FOXN3: variants seen among roughly 807,000 people sequenced by gnomAD.
The protein encoded by FOXN3 is forkhead box N3.
In FOXN3, 7 loss-of-function variants were observed where a neutral mutation model predicts 38.4. The ratio of observed to expected loss-of-function variants is 0.18; its 90% confidence interval spans 0.10 to 0.34. The LOEUF (loss-of-function observed/expected upper bound fraction) is 0.34, where lower values mean the gene tolerates loss of function less well. Among genes scored for constraint, FOXN3 ranks in the 10% least tolerant of loss-of-function variants. The pLI is 1.00. For missense variants in FOXN3, 456 were observed against 613.4 expected, an observed-to-expected ratio of 0.74 and a Z score of 2.71; for synonymous variants, 230 against 242.2, an observed-to-expected ratio of 0.95 and a Z score of 0.47.
chr14:89,411,815 C>G (rs972492111), intron 2 of FOXN3, 119 bp downstream of exon 2: 3 of 592,152 alleles, frequency 5.1e-6, no homozygotes, highest in Non-Finnish European at 7.9e-6. Context: ...ATTAAATAGA[C>G]TAAAACCCAC....
rs549115788 is a variant in FOXN3 at position 89,261,756 on chromosome 14, C to T, written c.745+19194G>A. On this transcript the variant is annotated intron_variant, in intron 4 of 5. Coordinates refer to ENST00000557258, the MANE Select transcript of FOXN3 (RefSeq NM_005197.4). Reference sequence around the variant, plus strand: ...CATCCTGGCTAACACGATGAAACCCCGTCTCTACCAAAAATACAAAAATTA... The same window carrying T: ...CATCCTGGCTAACACGATGAAACCCTGTCTCTACCAAAAATACAAAAATTA... Among the ~76,000 whole-genome samples the T allele has an allele frequency of 3.3e-5, 5 of 152,142 alleles. No homozygotes were observed. The East Asian group carries it at 9.7e-4, about 29-fold the overall frequency.
intron 1 of FOXN3, among the ~76,000 whole-genome samples, chr14:89,582,280 T>C (rs1049472927): frequency 1.3e-5 from 2 of 152,180 alleles, no homozygotes; most frequent in African/African-American, 4.8e-5. Context: ...CCCAAACTCA[T>C]GTCCAAAATG....
At position 89,412,796 on chromosome 14, in the gene FOXN3, G is replaced by A. The variant is rs528482752; in HGVS notation, c.-14-306C>T. Among the ~76,000 whole-genome samples the A allele has an allele frequency of 7.9e-5, 12 of 152,354 alleles. No individual in the cohort carries two copies. Among genetic ancestry groups the A allele is most frequent in the Admixed American group, 7.8e-4 (12 of 15,300 alleles). On this transcript the variant is annotated intron_variant, in intron 1 of 5. Coordinates refer to ENST00000557258, the MANE Select transcript of FOXN3 (RefSeq NM_005197.4). This position sits in a 1 kb window ranked among gnomAD's most constrained non-coding sequence, Gnocchi z 4.7. Reference sequence around the variant, plus strand: ...CGCCTGTAATCCCAGCACTTTGGGAGGCTGAGGCGGGACGATTGCTTGAGA... The same window carrying A: ...CGCCTGTAATCCCAGCACTTTGGGAAGCTGAGGCGGGACGATTGCTTGAGA...
At chr14:89,207,900 A>G (rs1049700726) in intron 4 of FOXN3, among the ~76,000 whole-genome samples, 1 of 152,120 alleles carries the variant, frequency 6.6e-6, no homozygotes, top group African/African-American at 2.4e-5. Flanking sequence ...ACCTTCCACT[A>G]TAATCAGTGT....
chr14:89,554,163 G>A (rs761577623), intron 1 of FOXN3, among the ~76,000 whole-genome samples: 4 of 151,982 alleles, frequency 2.6e-5, no homozygotes, highest in South Asian at 2.1e-4. Context: ...CACCATACCC[G>A]GCTAATTTTT....
At chr14:89,231,233 C>T (rs1020496079) in intron 4 of FOXN3, among the ~76,000 whole-genome samples, 2 of 151,990 alleles carry the variant, frequency 1.3e-5, no homozygotes, top group East Asian at 1.9e-4. Context: ...AGTATCTGTT[C>T]GCCAAGGAAA....
intron 1 of FOXN3, among the ~76,000 whole-genome samples, chr14:89,490,221 G>A (rs539001547): frequency 4.6e-5 from 7 of 152,262 alleles, no homozygotes; most frequent in South Asian, 2.1e-4. Flanking sequence ...CCTCAGCGAC[G>A]GCTAATGAAT....
At chr14:89,284,727 A>C (rs1886566024) in intron 3 of FOXN3, among the ~76,000 whole-genome samples, 1 of 152,218 alleles carries the variant, frequency 6.6e-6, no homozygotes. Flanking sequence ...AAGCCAGACC[A>C]ACTTTGTAAC....
chr14:89,586,278 G>A (rs1392129809), intron 1 of FOXN3, among the ~76,000 whole-genome samples: 4 of 152,172 alleles, frequency 2.6e-5, no homozygotes, highest in Admixed American at 6.5e-5. Flanking sequence ...AAAGCAGGAT[G>A]TAAGAAAAGA....
At chr14:89,206,531 C>T (rs549755174) in intron 4 of FOXN3, among the ~76,000 whole-genome samples, 11 of 152,280 alleles carry the variant, frequency 7.2e-5, no homozygotes, top group African/African-American at 2.6e-4. Context: ...CGGAGGTTTC[C>T]GTTCCCAGTG....
chr14:89,270,703 TAAGTG>T (rs1430013879), intron 4 of FOXN3, among the ~76,000 whole-genome samples: 1 of 152,226 alleles, frequency 6.6e-6, no homozygotes, highest in Non-Finnish European at 1.5e-5. Context: ...GAGCACCTAC[TAAGTG>T]CCAGGGATGC....
At chr14:89,309,183 C>G (rs1004461866) in intron 3 of FOXN3, among the ~76,000 whole-genome samples, 4 of 152,224 alleles carry the variant, frequency 2.6e-5, no homozygotes, top group African/African-American at 9.6e-5. Context: ...TTCAATCTCT[C>G]CAGGGCCTCT....
intron 4 of FOXN3, among the ~76,000 whole-genome samples, chr14:89,193,448 T>G (rs1388109265): frequency 6.6e-6 from 1 of 152,178 alleles, no homozygotes; most frequent in Non-Finnish European, 1.5e-5. Flanking sequence ...TAATCACACA[T>G]GTGGGAGAAC....
At chr14:89,366,706 C>T (rs1172115783) in intron 2 of FOXN3, among the ~76,000 whole-genome samples, 1 of 152,154 alleles carries the variant, frequency 6.6e-6, no homozygotes, top group Non-Finnish European at 1.5e-5. Flanking sequence ...CTTCAGGCTG[C>T]AACTGGGCGC....
At chr14:89,392,754 C>A (rs1357491489) in intron 2 of FOXN3, among the ~76,000 whole-genome samples, 1 of 151,540 alleles carries the variant, frequency 6.6e-6, no homozygotes, top group Non-Finnish European at 1.5e-5. Flanking sequence ...AATTCTCCTG[C>A]CGCAGCCTCC....
chr14:89,236,904 A>G (rs991127077), intron 4 of FOXN3, among the ~76,000 whole-genome samples: 1 of 152,078 alleles, frequency 6.6e-6, no homozygotes, highest in Non-Finnish European at 1.5e-5. Flanking sequence ...CATGTACCCC[A>G]CCACTTATCA....
At chr14:89,416,685 C>A (rs528894427) in intron 1 of FOXN3, among the ~76,000 whole-genome samples, 186 bp downstream of exon 1, 3 of 152,144 alleles carry the variant, frequency 2.0e-5, no homozygotes, top group African/African-American at 7.2e-5. Context: ...GGAAACTCTT[C>A]GGACCCGGCA....
chr14:89,490,947 A>C (rs146531306), intron 1 of FOXN3, among the ~76,000 whole-genome samples: 4 of 152,284 alleles, frequency 2.6e-5, no homozygotes, highest in African/African-American at 9.6e-5. Context: ...ATACATTTAC[A>C]TATTAGTTAA....
At position 89,389,245 on chromosome 14, in the gene FOXN3, CAT is replaced by C. The variant is rs373027254; in HGVS notation, c.543+22687_543+22688del. Among the ~76,000 whole-genome samples the C allele has an allele frequency of 1.2e-4, 19 of 152,212 alleles. No individual in the cohort carries two copies. In the East Asian group the frequency reaches 3.7e-3, roughly 29 times the overall value. The stretch of plus-strand genomic sequence containing the variant: ...AATGTATGAAAGTGAAAAAAACTTA[CAT>C]GTTACAATGTGCATCTCTTAGGTAT... On this transcript the variant is annotated intron_variant, in intron 2 of 5. Transcript: ENST00000557258.
Sources: allele counts gnomAD v4.1 joint callset (sites outside exome capture counted in the v4.1 genomes callset), GRCh38; gene constraint gnomAD v4.1.1; non-coding constraint Gnocchi (gnomAD v3.1); transcripts MANE v1.5; gene names NCBI Gene and HGNC (gene_info 2026-07-23, HGNC 2026-07-21).